The following SOX6 variants were observed in gnomAD, a reference collection of about 807,000 sequenced individuals.
The protein encoded by SOX6 is transcription factor SOX-6.
In SOX6, 11 loss-of-function variants were observed where a neutral mutation model predicts 97.8. That is an observed-to-expected ratio of 0.11 (90% CI 0.07 to 0.19). The LOEUF (loss-of-function observed/expected upper bound fraction) is 0.19. SOX6 is among the 10% of genes least tolerant of loss of function. The probability of loss-of-function intolerance (pLI) is 1.00; values close to 1 mark genes in which losing one functional copy is unlikely to be tolerated. For missense variants in SOX6, 810 were observed against 1,039.5 expected, an observed-to-expected ratio of 0.78 and a Z score of 3.04; for synonymous variants, 360 against 371.4, an observed-to-expected ratio of 0.97 and a Z score of 0.35.
At chr11:16,281,480 A>T (rs1034026374) in intron 3 of SOX6, among the ~76,000 whole-genome samples, 1 of 152,056 alleles carries the variant, frequency 6.6e-6, no homozygotes. Context: ...TTATATACAG[A>T]TGTATTTCAT....
At chr11:16,027,789 C>A (rs147334444) in intron 12 of SOX6, among the ~76,000 whole-genome samples, 4 of 152,322 alleles carry the variant, frequency 2.6e-5, no homozygotes, top group African/African-American at 7.2e-5. Context: ...TACATGCTCA[C>A]CGCGCATCTA....
intron 4 of SOX6, among the ~76,000 whole-genome samples, chr11:16,577,978 T>C (rs1370327107): frequency 6.6e-6 from 1 of 152,162 alleles, no homozygotes; most frequent in African/African-American, 2.4e-5. Context: ...ATGTCATATC[T>C]AAGAAACTAT....
chr11:16,060,805 T>C (rs1004643391), intron 9 of SOX6, among the ~76,000 whole-genome samples: 21 of 151,878 alleles, frequency 1.4e-4, no homozygotes, highest in Admixed American at 6.6e-5. Context: ...ATCTGCACTT[T>C]TCTTGTGGTG....
intron 4 of SOX6, among the ~76,000 whole-genome samples, chr11:16,523,434 C>G (rs191885781): frequency 1.3e-5 from 2 of 152,068 alleles, no homozygotes; most frequent in Admixed American, 6.5e-5. Context: ...TTGAAACCAA[C>G]GAGAACAAAG....
intron 1 of SOX6, chr11:16,402,731 C>T (rs552657407): frequency 2.8e-4 from 447 of 1,610,392 alleles, no homozygotes; most frequent in Middle Eastern, 2.2e-3. Context: ...TGTTCCATCA[C>T]CTGACTTAGG....
chr11:16,301,348 C>T (rs1009189720), intron 3 of SOX6, among the ~76,000 whole-genome samples: 16 of 152,278 alleles, frequency 1.1e-4, no homozygotes, highest in Admixed American at 3.3e-4. Context: ...CGATTTAATG[C>T]TACCATATTA....
At chr11:16,251,870 G>C (rs184682738) in intron 3 of SOX6, among the ~76,000 whole-genome samples, 1 of 152,044 alleles carries the variant, frequency 6.6e-6, no homozygotes, top group Non-Finnish European at 1.5e-5. Context: ...CCAGGAATGC[G>C]AAGTTGCTTG....
chr11:15,986,385 G>T lies in SOX6; in HGVS notation c.2002C>A (p.Gln668Lys), dbSNP rs1202195170. The T allele has an allele frequency of 1.9e-6, 3 of 1,613,874 alleles. No individual in the cohort carries two copies. The Admixed American group carries it at 5.0e-5, about 27-fold the overall frequency. ...RWKSMSNQEK[Q>K]PYYEEQARLS... ...CGGGCCTGCTCTTCATAATAAGGTT[G>T]CTTCTCCTGGTTGGACATTGATTTC... The change falls in exon 15 of 16, where the codon CAA becomes AAA. Residue 668 changes from glutamine to lysine, a missense_variant. This residue lies in a region of SOX6 where 51 missense variants were observed against 145.7 expected (regional missense o/e 0.35). Transcript: ENST00000683767.
intron 2 of SOX6, among the ~76,000 whole-genome samples, chr11:16,333,257 T>G (rs1856363395): frequency 6.6e-6 from 1 of 152,188 alleles, no homozygotes; most frequent in Non-Finnish European, 1.5e-5. Flanking sequence ...AGAAGGACTT[T>G]GAGATTAATA....
At chr11:16,304,298 C>T (rs78936881) in intron 3 of SOX6, among the ~76,000 whole-genome samples, 8,417 of 152,080 alleles carry the variant, frequency 0.055, 301 homozygotes, top group Non-Finnish European at 0.08. Flanking sequence ...ATGTTGAAAC[C>T]CAGTACCCAA....
At chr11:16,272,372 C>T (rs536005471) in intron 3 of SOX6, among the ~76,000 whole-genome samples, 1 of 151,770 alleles carries the variant, frequency 6.6e-6, no homozygotes, top group Admixed American at 6.6e-5. Context: ...TGTTTCTAAA[C>T]ACTTTCAATT....
At chr11:16,371,158 A>G (rs951133077) in intron 1 of SOX6, among the ~76,000 whole-genome samples, 2 of 151,380 alleles carry the variant, frequency 1.3e-5, no homozygotes, top group South Asian at 4.2e-4. Flanking sequence ...CCCTTCACTC[A>G]TTTGTCTCCA....
At position 16,537,660 on chromosome 11, in the gene SOX6, T is replaced by A. The variant is rs1861330517; in HGVS notation, n.610-61272A>T. Among the ~76,000 whole-genome samples the A allele has an allele frequency of 2.6e-5, 4 of 152,254 alleles. No homozygotes were observed. The South Asian group carries it at 8.3e-4, about 32-fold the overall frequency. On this transcript the variant is annotated intron_variant and non_coding_transcript_variant, in intron 4 of 5. Transcript: ENST00000524520. Reference sequence around the variant, plus strand: ...CCTGATGGAGCTGAAAACCACAGCATGAGAATTGTGTGATGGATACACAAG... The same window carrying A: ...CCTGATGGAGCTGAAAACCACAGCAAGAGAATTGTGTGATGGATACACAAG...
chr11:16,706,114 G>T (rs1307008306), intron 3 of SOX6, among the ~76,000 whole-genome samples: 1 of 151,720 alleles, frequency 6.6e-6, no homozygotes, highest in Non-Finnish European at 1.5e-5. Flanking sequence ...GACTAGCAAG[G>T]TTCATTATTG....
At chr11:16,206,384 T>C (rs1469568411) in intron 4 of SOX6, among the ~76,000 whole-genome samples, 1 of 152,216 alleles carries the variant, frequency 6.6e-6, no homozygotes, top group Non-Finnish European at 1.5e-5. Context: ...TTTAATTCTT[T>C]GATTTGTTAC....
At chr11:16,328,298 A>T (rs180701566) in intron 2 of SOX6, among the ~76,000 whole-genome samples, 1 of 152,142 alleles carries the variant, frequency 6.6e-6, no homozygotes, top group Non-Finnish European at 1.5e-5. Flanking sequence ...AATAAACCCA[A>T]TGTGTTCAGC....
chr11:16,563,662 G>A (rs1011498974), intron 4 of SOX6, among the ~76,000 whole-genome samples: 6 of 152,172 alleles, frequency 3.9e-5, no homozygotes, highest in Non-Finnish European at 8.8e-5. Flanking sequence ...CAGAGTCCTG[G>A]AGGACAGAAG....
chr11:16,120,728 A>G (rs1396243953), intron 6 of SOX6, among the ~76,000 whole-genome samples: 1 of 152,118 alleles, frequency 6.6e-6, no homozygotes, highest in East Asian at 1.9e-4. Context: ...AGAATAAACG[A>G]AAAAGATTTA....
At chr11:15,994,584 C>T (rs1377306260) in intron 13 of SOX6, among the ~76,000 whole-genome samples, 2 of 151,610 alleles carry the variant, frequency 1.3e-5, no homozygotes, top group East Asian at 3.9e-4. Flanking sequence ...TAGAAGAGAT[C>T]AAAATGGAAA....
Sources: allele counts gnomAD v4.1 joint callset (sites outside exome capture counted in the v4.1 genomes callset), GRCh38; gene constraint gnomAD v4.1.1; regional missense constraint gnomAD v4.1.1; transcripts MANE v1.5; gene names NCBI Gene and HGNC (gene_info 2026-07-23, HGNC 2026-07-21).